Variants in PCDHGA10 observed in about 807,000 individuals in gnomAD.
The protein encoded by PCDHGA10 is protocadherin gamma-A10.
PCDHGA10 carries 42 observed loss-of-function variants against 59.5 expected under a neutral mutation model. The observed-to-expected ratio is 0.71, with a 90% CI of 0.55 to 0.91. The LOEUF is 0.91. Ranked by LOEUF, PCDHGA10 falls within the 40% of genes least tolerant of loss-of-function variation. The pLI is 0.00. For missense variants in PCDHGA10, 1,111 were observed against 1,198.2 expected (o/e 0.93, Z 1.07); for synonymous variants, 511 against 517.2 (o/e 0.99, Z 0.16).
At position 141,512,430 on chromosome 5, in the gene PCDHGA10, CT is replaced by C. The variant is rs1357890225; in HGVS notation, c.*1258del. The C allele has an allele frequency of 1.3e-5, 2 of 152,824 alleles. No homozygotes were observed. Among genetic ancestry groups the C allele is most frequent in the Non-Finnish European group, 2.9e-5 (2 of 68,158 alleles). 9.5% of individuals were successfully genotyped at this position (152,824 alleles called of 1,614,324 possible). On this transcript the variant is annotated 3_prime_UTR_variant, in exon 4 of 4. Coordinates refer to ENST00000398610, the MANE Select transcript of PCDHGA10 (RefSeq NM_018913.3). ...CTTCTTCAACAGGGCCCCTGCCCTCCTGAAGCCTCAGTCCTTCACCTTGCCA... is the reference window on the plus strand; with the variant it reads ...CTTCTTCAACAGGGCCCCTGCCCTCCGAAGCCTCAGTCCTTCACCTTGCCA...
chr5:141,478,420 C>A, intron 1 of PCDHGA10: 1 of 1,613,676 alleles, frequency 6.2e-7, no homozygotes, highest in Non-Finnish European at 8.5e-7. Context: ...ACTCCCGCCG[C>A]AGCGACCCGC....
intron 1 of PCDHGA10, chr5:141,439,898 C>T (rs1428014089): frequency 6.6e-6 from 1 of 152,344 alleles, no homozygotes; most frequent in African/African-American, 2.4e-5. Context: ...ACCAAGGCGA[C>T]TACTGCCTCC....
chr5:141,451,314 G>A (rs1286009420), intron 1 of PCDHGA10, among the ~76,000 whole-genome samples: 1 of 152,218 alleles, frequency 6.6e-6, no homozygotes, highest in Non-Finnish European at 1.5e-5. Context: ...AGCAATTAAA[G>A]TGTCACCTAA....
chr5:141,461,355 G>A (rs993200082), intron 1 of PCDHGA10, among the ~76,000 whole-genome samples: 3 of 152,022 alleles, frequency 2.0e-5, no homozygotes, highest in Non-Finnish European at 2.9e-5. Flanking sequence ...GTGGTAGCTC[G>A]TTGTGGTTTT....
intron 1 of PCDHGA10, chr5:141,428,729 A>T (rs1362138016): frequency 6.3e-6 from 1 of 159,768 alleles, no homozygotes; most frequent in East Asian, 1.8e-4. Flanking sequence ...AATCTTAAAC[A>T]TATTATATCT....
chr5:141,451,993 C>G (rs1235806360), intron 1 of PCDHGA10, among the ~76,000 whole-genome samples: 4 of 152,164 alleles, frequency 2.6e-5, no homozygotes, highest in African/African-American at 7.2e-5. Context: ...TCATTAGAAG[C>G]AAAATCACTT....
chr5:141,479,767 C>G (rs2099505975), intron 1 of PCDHGA10: 1 of 152,174 alleles, frequency 6.6e-6, no homozygotes, highest in African/African-American at 2.4e-5. Flanking sequence ...AAATTCATAT[C>G]CTTAGACAGG....
intron 1 of PCDHGA10, among the ~76,000 whole-genome samples, chr5:141,465,966 C>T (rs904439039): frequency 5.3e-5 from 8 of 151,802 alleles, no homozygotes; most frequent in Non-Finnish European, 1.0e-4. Context: ...ACTAAAAATA[C>T]AAAAAATTAG....
rs752954707 is a variant in PCDHGA10 at position 141,476,801 on chromosome 5, C to T, written c.2437-18006C>T. The T allele has an allele frequency of 6.2e-7, 1 of 1,613,586 alleles. No individual in the cohort carries two copies. Among genetic ancestry groups the T allele is most frequent in the Non-Finnish European group, 8.5e-7 (1 of 1,180,020 alleles). On this transcript the variant is annotated intron_variant, in intron 1 of 3. Coordinates refer to ENST00000398610, the MANE Select transcript of PCDHGA10 (RefSeq NM_018913.3). This position sits in a 1 kb window ranked among gnomAD's most constrained non-coding sequence, Gnocchi z 7.6. Reference sequence around the variant, plus strand: ...GACCCCAGCTCTCTCCGCCAGCCTGCCTATTCACATCAAGGTGCTGGACGC... The same window carrying T: ...GACCCCAGCTCTCTCCGCCAGCCTGTCTATTCACATCAAGGTGCTGGACGC...
intron 1 of PCDHGA10, chr5:141,423,851 C>T (rs1311833319): frequency 7.8e-6 from 10 of 1,275,940 alleles, no homozygotes; most frequent in African/African-American, 1.6e-5. Flanking sequence ...TCTTTCAGAA[C>T]GTTTTTGTGA....
chr5:141,482,103 A>C (rs34394498), intron 1 of PCDHGA10, among the ~76,000 whole-genome samples: 2 of 142,250 alleles, frequency 1.4e-5, no homozygotes, highest in Non-Finnish European at 3.0e-5. Flanking sequence ...AAAAAAAAAA[A>C]AATATCTAGA....
Position 141,489,690 on chromosome 5 carries a change from A to T in PCDHGA10, c.2437-5117A>T. The T allele has an allele frequency of 6.2e-7, 1 of 1,614,198 alleles. No individual in the cohort carries two copies. The highest frequency in any genetic ancestry group is 8.5e-7 in the Non-Finnish European group (1 of 1,180,024). ...TCTCAGAATCAGCAGCATCTGGGGC[A>T]CGATTCCCACTGGACAGTGCCCAGG... On this transcript the variant is annotated intron_variant, in intron 1 of 3. Coordinates refer to ENST00000398610, the MANE Select transcript of PCDHGA10 (RefSeq NM_018913.3). The surrounding 1 kb of genome is among the most constrained non-coding windows in gnomAD (Gnocchi z 4.5).
chr5:141,454,908 C>T (rs1370482009), intron 1 of PCDHGA10, among the ~76,000 whole-genome samples: 3 of 145,392 alleles, frequency 2.1e-5, no homozygotes, highest in Non-Finnish European at 4.5e-5. Context: ...CCCGGGTTCA[C>T]GCCATTCTCC....
chr5:141,413,668 G>T lies in PCDHGA10; in HGVS notation c.493G>T (p.Asp165Tyr), dbSNP rs1286766786. ...TCCTCTCCCGGAAGCTATTGATCCG[G>T]ATGTGGGCGTGAACTCCCTGCAGAG... is the stretch of plus-strand genomic sequence containing the variant. Reference protein sequence around the residue: ...RFPLPEAIDPDVGVNSLQSYQ... With the variant: ...RFPLPEAIDPYVGVNSLQSYQ... The change falls in exon 1 of 4, where the codon GAT becomes TAT. Residue 165 changes from aspartate (D) to tyrosine (Y), a missense_variant. Asp to Tyr is a radical substitution (Grantham distance 160, BLOSUM62 -3). Transcript: ENST00000398610. 6 of 1,613,754 alleles carry T rather than the reference G, an allele frequency of 3.7e-6. No homozygotes were observed. The Admixed American group carries it at 8.3e-5, about 22-fold the overall frequency.
chr5:141,419,069 C>G, intron 1 of PCDHGA10: 1 of 1,613,912 alleles, frequency 6.2e-7, no homozygotes, highest in Admixed American at 1.7e-5. Context: ...TTACTACAAG[C>G]TAGTAACAGA....
At chr5:141,484,857 G>C in intron 1 of PCDHGA10, 1 of 264,370 alleles carries the variant, frequency 3.8e-6, no homozygotes. Flanking sequence ...TTTTTGGGGG[G>C]TGGGGGAGCG....
chr5:141,478,822 T>A, intron 1 of PCDHGA10: 2 of 1,444,070 alleles, frequency 1.4e-6, no homozygotes, highest in South Asian at 1.5e-5. Context: ...AACTAACCAA[T>A]CTTGCTAAGG....
chr5:141,448,190 C>T (rs1426828578), intron 1 of PCDHGA10, among the ~76,000 whole-genome samples: 1 of 152,118 alleles, frequency 6.6e-6, no homozygotes, highest in Non-Finnish European at 1.5e-5. Flanking sequence ...GTTATGTACA[C>T]TTACAAACAT....
In PCDHGA10 at chr5:141,431,814, T is replaced by C. The variant is rs1300319049; in HGVS notation, c.2436+16203T>C. 1 of 1,614,246 alleles carries C rather than the reference T, an allele frequency of 6.2e-7. No homozygotes were observed. Among genetic ancestry groups the C allele is most frequent in the Non-Finnish European group, 8.5e-7 (1 of 1,180,044 alleles). ...GCCCCAGAAGTGGTCCTCACCTCTC[T>C]CGCCAGCTCGGTTCCCGAAAACTCT... On this transcript the variant is annotated intron_variant, in intron 1 of 3. Coordinates refer to ENST00000398610, the MANE Select transcript of PCDHGA10 (RefSeq NM_018913.3). The surrounding 1 kb of genome is among the most constrained non-coding windows in gnomAD (Gnocchi z 4.8).
Sources: allele counts gnomAD v4.1 joint callset (sites outside exome capture counted in the v4.1 genomes callset), GRCh38; gene constraint gnomAD v4.1.1; non-coding constraint Gnocchi (gnomAD v3.1); transcripts MANE v1.5; gene names NCBI Gene and HGNC (gene_info 2026-07-23, HGNC 2026-07-21).